The following PHLDB2 variants were observed in gnomAD, a reference collection of about 807,000 sequenced individuals.
PHLDB2 encodes the protein pleckstrin homology-like domain family B member 2.
PHLDB2 carries 71 observed loss-of-function variants against 123.6 expected under a neutral mutation model. The ratio of observed to expected loss-of-function variants is 0.57; its 90% CI spans 0.47 to 0.70. The LOEUF is 0.70. Among genes scored for constraint, PHLDB2 ranks in the 30% least tolerant of loss-of-function variants. The pLI is 0.00. For synonymous variants in PHLDB2, 547 were observed against 541.6 expected, an observed-to-expected ratio of 1.01 and a Z score of -0.14; for missense variants, 1,446 against 1,519.5, an observed-to-expected ratio of 0.95 and a Z score of 0.80.
In PHLDB2 at chr3:111,913,691, A is replaced by G. The variant is rs2068007684; in HGVS notation, c.1708A>G (p.Ile570Val). Residue 570 changes from isoleucine to valine, a missense_variant, in exon 3 of 18, where the codon ATC (isoleucine) becomes GTC (valine). By Grantham distance (29) the Ile-to-Val change is conservative. Transcript: ENST00000431670. ...KASSESSYLS[I>V]LPKTPEGISE... The stretch of plus-strand genomic sequence containing the variant: ...TTCCAGCGAGTCCTCTTATCTAAGT[A>G]TCCTACCAAAGGTAATGTTGGCCCA... The G allele has an allele frequency of 1.9e-6, 3 of 1,612,078 alleles. No homozygotes were observed. The highest frequency in any genetic ancestry group is 2.2e-5 in the East Asian group (1 of 44,884).
At chr3:111,732,658 GGAAA>G in exon 1 of PHLDB2, 1 of 1,535,826 alleles carries the variant, frequency 6.5e-7, no homozygotes, top group East Asian at 2.4e-5. Context: ...TGCTGAGTCA[GGAAA>G]GAAGCTGAGG....
At chr3:111,796,367 AC>A (rs1377646770) in intron 1 of PHLDB2, among the ~76,000 whole-genome samples, 4 of 152,178 alleles carry the variant, frequency 2.6e-5, no homozygotes, top group Non-Finnish European at 5.9e-5. Context: ...AAATCTCTCC[AC>A]TTTTCTCCAG....
chr3:111,822,315 G>GTA (rs765782041), intron 1 of PHLDB2, among the ~76,000 whole-genome samples: 4,089 of 147,256 alleles, frequency 0.028, 74 homozygotes, highest in Non-Finnish European at 0.038. Context: ...GTGTGTGTGT[G>GTA]TGTATATATA....
At chr3:111,940,503 A>G (rs768771072) in intron 7 of PHLDB2, 32 bp from the exon 8 acceptor site, 2 of 1,341,648 alleles carry the variant, frequency 1.5e-6, no homozygotes, top group Non-Finnish European at 2.1e-6. Context: ...TGTCTAATGT[A>G]CATCTTCCTA....
chr3:111,939,592 G>A lies in PHLDB2; in HGVS notation c.2248G>A (p.Glu750Lys). ...GAACTTGACTCAACAGCTCCTGCGT[G>A]AAGTTGCTGAATATCAACGGAACAT... ...KENLTQQLLR[E>K]VAEYQRNIVS... is the part of the protein sequence containing the mutation. Residue 750 changes from glutamate to lysine, a missense_variant, in exon 7 of 18, where the codon GAA becomes AAA. Glu to Lys is a moderately conservative substitution (Grantham distance 56, BLOSUM62 1). Coordinates refer to ENST00000431670, the MANE Select transcript of PHLDB2 (RefSeq NM_001134438.2). 1 of 1,613,466 alleles carries A rather than the reference G, an allele frequency of 6.2e-7. No individual in the cohort carries two copies. The highest frequency in any genetic ancestry group is 2.2e-5 in the East Asian group (1 of 44,854).
rs143174771 is a variant in PHLDB2 at position 111,759,447 on chromosome 3, A to T, written c.-49+26744A>T. ...GCTGTCACATTGGTGATTAGGTTTCAATTTATGAATTTTGAGGAGACACCA... is the reference window on the plus strand; with the variant it reads ...GCTGTCACATTGGTGATTAGGTTTCTATTTATGAATTTTGAGGAGACACCA... On this transcript the variant is annotated intron_variant, in intron 1 of 17. Transcript: ENST00000393923. Among the ~76,000 whole-genome samples, 28 of 152,332 alleles carry T rather than the reference A, an allele frequency of 1.8e-4. No individual in the cohort carries two copies. In the East Asian group the frequency reaches 5.4e-3, roughly 29 times the overall value.
At chr3:111,834,055 A>AATATATATAATATAATTATATATATT (rs2063223601) in intron 1 of PHLDB2, among the ~76,000 whole-genome samples, 1 of 14,816 alleles carries the variant, frequency 6.7e-5, no homozygotes, top group Non-Finnish European at 1.2e-4. Flanking sequence ...AATTATATAT[A>AATATATATAATATAATTATATATATT]ATATATGTAA....
chr3:111,860,288 ACTTT>A (rs1221823686), intron 1 of PHLDB2, among the ~76,000 whole-genome samples: 1 of 152,082 alleles, frequency 6.6e-6, no homozygotes, highest in Non-Finnish European at 1.5e-5. Flanking sequence ...TTCTAGTTCC[ACTTT>A]CTTTCAAGAG....
chr3:111,813,665 T>C lies in PHLDB2; in HGVS notation c.-48-32156T>C, dbSNP rs561115281. Among the ~76,000 whole-genome samples, 21 of 152,344 alleles carry C rather than the reference T, an allele frequency of 1.4e-4. No individual in the cohort carries two copies. In the South Asian group the frequency reaches 4.3e-3, roughly 32 times the overall value. On this transcript the variant is annotated intron_variant, in intron 1 of 17. Transcript: ENST00000393923. ...GAGTGCCAAAAATTGCTAATAATTA[T>C]AAACCAATTGGAAAAACTACAAAGT...
chr3:111,884,474 G>T lies in PHLDB2; in HGVS notation c.397G>T (p.Gly133Cys), dbSNP rs2107332578. The change falls in exon 2 of 18, where the codon GGC (glycine) becomes TGC (cysteine). Residue 133 changes from glycine (G) to cysteine (C), a missense_variant. Transcript: ENST00000431670. ...LGRADFDHYT[G>C]RDSERALRLS... ...AAGAGCAGACTTTGATCATTATACT[G>T]GCCGGGACAGTGAAAGGGCCTTGAG... The T allele has an allele frequency of 6.2e-7, 1 of 1,614,140 alleles. No individual in the cohort carries two copies. The highest frequency in any genetic ancestry group is 1.3e-5 in the African/African-American group (1 of 75,034).
At chr3:111,754,089 C>A (rs1257345134) in intron 1 of PHLDB2, among the ~76,000 whole-genome samples, 1 of 152,008 alleles carries the variant, frequency 6.6e-6, no homozygotes, top group Non-Finnish European at 1.5e-5. Context: ...AGCGTGATGC[C>A]TCCAGCTTTG....
chr3:111,872,552 T>C (rs2065397225), intron 1 of PHLDB2, among the ~76,000 whole-genome samples: 1 of 152,178 alleles, frequency 6.6e-6, no homozygotes, highest in Non-Finnish European at 1.5e-5. Flanking sequence ...CCTGCTCTCA[T>C]TGCCTAGGGA....
intron 1 of PHLDB2, among the ~76,000 whole-genome samples, chr3:111,860,480 G>C (rs1356088092): frequency 6.6e-6 from 1 of 152,168 alleles, no homozygotes. Flanking sequence ...CAGCTGAATC[G>C]TTTGCTGGTT....
intron 1 of PHLDB2, among the ~76,000 whole-genome samples, chr3:111,792,639 T>C (rs1410113228): frequency 6.6e-6 from 1 of 152,082 alleles, no homozygotes; most frequent in Non-Finnish European, 1.5e-5. Flanking sequence ...CCCAGGAATT[T>C]GAAGCTTTAG....
intron 1 of PHLDB2, among the ~76,000 whole-genome samples, chr3:111,811,990 T>C (rs2061861181): frequency 3.3e-5 from 5 of 152,210 alleles, no homozygotes; most frequent in African/African-American, 1.2e-4. Flanking sequence ...GCTTGGAATG[T>C]TCCTTCATCA....
intron 12 of PHLDB2, among the ~76,000 whole-genome samples, chr3:111,959,882 A>C (rs944691032): frequency 6.6e-6 from 1 of 152,204 alleles, no homozygotes; most frequent in African/African-American, 2.4e-5. Context: ...GTGAAAACTC[A>C]GGGAGAGGAA....
intron 1 of PHLDB2, among the ~76,000 whole-genome samples, chr3:111,780,414 A>AGAAGAAGAT (rs2060422652): frequency 4.1e-5 from 6 of 146,504 alleles, no homozygotes; most frequent in African/African-American, 1.6e-4. Context: ...AAGAAGAAAA[A>AGAAGAAGAT]GATTAGTTCG....
intron 1 of PHLDB2, among the ~76,000 whole-genome samples, chr3:111,860,845 A>G (rs2064800935): frequency 6.6e-6 from 1 of 152,198 alleles, no homozygotes; most frequent in Non-Finnish European, 1.5e-5. Context: ...CTGGGAGTGT[A>G]ACTAGACGAG....
chr3:111,805,160 A>G (rs6797063), intron 1 of PHLDB2, among the ~76,000 whole-genome samples: 144,378 of 152,244 alleles, frequency 0.95, 68,955 homozygotes, highest in East Asian at 1. Flanking sequence ...GAGATGAAAC[A>G]TAAGTCCACA....
Sources: gnomAD v4.1 joint callset for allele counts (sites outside exome capture counted in the v4.1 genomes callset) on GRCh38, gnomAD v4.1.1 for gene constraint, MANE v1.5 for transcripts, NCBI Gene and HGNC (gene_info 2026-07-23, HGNC 2026-07-21) for gene names.